Variants in CCDC3 observed in about 807,000 individuals in gnomAD.
The protein encoded by CCDC3 is coiled-coil domain-containing protein 3.
CCDC3 carries 24 observed loss-of-function variants against 21.4 expected under a neutral mutation model. That is an observed-to-expected ratio of 1.12 (90% CI 0.81 to 1.58). The LOEUF is 1.58. CCDC3 is among the 40% of genes most tolerant of loss of function. The pLI is 0.00. For missense variants in CCDC3, 425 were observed against 360.9 expected (o/e 1.18, Z -1.44); for synonymous variants, 186 against 166.0 (o/e 1.12, Z -0.93).
chr10:13,055,165 C>G (rs887470762), intron 4 of CCDC3, among the ~76,000 whole-genome samples: 1 of 152,158 alleles, frequency 6.6e-6, no homozygotes, highest in Non-Finnish European at 1.5e-5. Flanking sequence ...ATCAAGGCCT[C>G]TCTTCCTCCA....
intron 2 of CCDC3, chr10:13,098,710 A>ATTTCTTTTTT (rs1832666801): frequency 1.5e-5 from 1 of 64,854 alleles, no homozygotes; most frequent in Non-Finnish European, 2.7e-5. Context: ...TCCTGCACTG[A>ATTTCTTTTTT]TTTTTTTTTT....
At chr10:13,045,270 CAAAG>C (rs2070097087) in intron 5 of CCDC3, among the ~76,000 whole-genome samples, 1 of 152,110 alleles carries the variant, frequency 6.6e-6, no homozygotes, top group African/African-American at 2.4e-5. Context: ...CTCCAGGTAT[CAAAG>C]AAATCTCTCT....
intron 4 of CCDC3, among the ~76,000 whole-genome samples, chr10:13,065,034 C>G (rs1256060203): frequency 2.6e-5 from 4 of 152,008 alleles, no homozygotes; most frequent in Non-Finnish European, 2.9e-5. Flanking sequence ...TCCTCTTTAG[C>G]TTAGTGATTT....
intron 2 of CCDC3, among the ~76,000 whole-genome samples, chr10:12,961,081 C>T (rs780109040): frequency 2.5e-4 from 38 of 152,150 alleles, no homozygotes; most frequent in Non-Finnish European, 4.7e-4. Context: ...TCCGAGGTGT[C>T]GTCAGGGAGC....
upstream of CCDC3, chr10:13,099,973 G>C (rs1328127200): frequency 1.3e-5 from 2 of 151,056 alleles, no homozygotes; most frequent in Non-Finnish European, 3.0e-5. Context: ...GTAGCTGGGG[G>C]CGGACGCAGG....
chr10:13,010,909 C>T (rs1835976512), intron 5 of CCDC3, among the ~76,000 whole-genome samples: 1 of 152,188 alleles, frequency 6.6e-6, no homozygotes. Context: ...GGGCCGGGCA[C>T]AGCGGCTCAC....
intron 1 of CCDC3, 122 bp downstream of exon 1, chr10:13,001,075 G>C: frequency 1.6e-6 from 2 of 1,288,022 alleles, no homozygotes; most frequent in Non-Finnish European, 2.1e-6. Flanking sequence ...AGGCGCCCCA[G>C]GGGCATTCTC....
rs145636896 is a variant in CCDC3 at position 12,957,182 on chromosome 10, A to AC, written c.549+41155dup. ...CCAGATGGCCTAAGCACACTGACCA[A>AC]CCCCCCTGGCCACTTTGTGTAACTT... On this transcript the variant is annotated intron_variant, in intron 2 of 2. Coordinates refer to ENST00000378825, the MANE Select transcript of CCDC3 (RefSeq NM_031455.4). Among the ~76,000 whole-genome samples the AC allele has an allele frequency of 3.8e-3, 584 of 152,110 alleles. 4 individuals carry two copies. Among genetic ancestry groups the AC allele is most frequent in the African/African-American group, 0.013 (555 of 41,488 alleles).
At chr10:12,931,721 A>G (rs917002516) in intron 2 of CCDC3, among the ~76,000 whole-genome samples, 4 of 152,200 alleles carry the variant, frequency 2.6e-5, no homozygotes, top group African/African-American at 7.2e-5. Context: ...TAAAATATGT[A>G]GACTCATTAC....
At chr10:12,958,203 T>TAAAC (rs747850737) in intron 2 of CCDC3, among the ~76,000 whole-genome samples, 16 of 151,910 alleles carry the variant, frequency 1.1e-4, no homozygotes, top group East Asian at 5.8e-4. Context: ...AATACAAAAG[T>TAAAC]AAACAAACAA....
At chr10:13,058,829 G>C (rs1325578309) in intron 4 of CCDC3, among the ~76,000 whole-genome samples, 2 of 152,208 alleles carry the variant, frequency 1.3e-5, no homozygotes, top group East Asian at 3.8e-4. Context: ...TTTCTAGCTT[G>C]GCACAGCTGG....
chr10:13,023,256 C>T (rs902405551), intron 5 of CCDC3, among the ~76,000 whole-genome samples: 3 of 152,150 alleles, frequency 2.0e-5, no homozygotes, highest in Non-Finnish European at 4.4e-5. Flanking sequence ...TGATTTAAAA[C>T]AATAACAATG....
chr10:13,042,664 T>C (rs1836473819), intron 5 of CCDC3, among the ~76,000 whole-genome samples: 1 of 150,710 alleles, frequency 6.6e-6, no homozygotes, highest in Non-Finnish European at 1.5e-5. Flanking sequence ...ATCTCAGCAC[T>C]TTGGGAGGCT....
intron 4 of CCDC3, chr10:13,058,294 A>T (rs1836708607): frequency 2.2e-6 from 3 of 1,368,504 alleles, no homozygotes; most frequent in Non-Finnish European, 3.1e-6. Flanking sequence ...CATCGTATTC[A>T]TCGCCAGTCA....
intron 5 of CCDC3, among the ~76,000 whole-genome samples, chr10:13,032,953 G>A (rs1331426069): frequency 2.0e-5 from 3 of 152,166 alleles, no homozygotes; most frequent in Non-Finnish European, 4.4e-5. Flanking sequence ...TCCCCATCAA[G>A]CTACCAATGA....
At chr10:12,903,146 T>G (rs753889507) in intron 2 of CCDC3, among the ~76,000 whole-genome samples, 2 of 152,134 alleles carry the variant, frequency 1.3e-5, no homozygotes, top group Non-Finnish European at 2.9e-5. Flanking sequence ...AGCAGGCAGG[T>G]CTGTATCTCT....
At chr10:13,063,807 G>A (rs1427640295) in intron 4 of CCDC3, among the ~76,000 whole-genome samples, 1 of 152,134 alleles carries the variant, frequency 6.6e-6, no homozygotes, top group Non-Finnish European at 1.5e-5. Flanking sequence ...TCTGGGATGA[G>A]GTAGAATTGT....
rs73575705 is a variant in CCDC3 at position 13,095,959 on chromosome 10, C to A, written c.-503+2566G>T. On this transcript the variant is annotated intron_variant, in intron 3 of 6. Transcript: ENST00000378839. ...TTTCAGGCAACTACTGGTCTGATTTCTGTCTTTTTCTACTTTCCTTTTCTG... is the reference window on the plus strand; with the variant it reads ...TTTCAGGCAACTACTGGTCTGATTTATGTCTTTTTCTACTTTCCTTTTCTG... 5.2e-3 allele frequency among the ~76,000 whole-genome samples: 785 copies of A among 152,302 alleles called. 8 individuals are homozygous for A. The highest frequency in any genetic ancestry group is 0.017 in the African/African-American group (717 of 41,564).
chr10:12,914,918 G>A (rs1350862298), intron 2 of CCDC3, among the ~76,000 whole-genome samples: 1 of 151,604 alleles, frequency 6.6e-6, no homozygotes. Flanking sequence ...GTAGTTCCTT[G>A]AGGTAACACT....
Sources: gnomAD v4.1 joint callset for allele counts (sites outside exome capture counted in the v4.1 genomes callset) on GRCh38, gnomAD v4.1.1 for gene constraint, MANE v1.5 for transcripts, NCBI Gene and HGNC (gene_info 2026-07-23, HGNC 2026-07-21) for gene names.